Variants in C12orf57 observed in about 807,000 individuals in gnomAD.
The protein encoded by C12orf57 is protein C10.
Under a neutral mutation model 11.3 loss-of-function variants are expected in C12orf57, and 14 were observed. That is an observed-to-expected ratio of 1.24 (90% CI 0.82 to 1.94). The LOEUF is 1.94. Among genes scored for constraint, C12orf57 ranks in the 30% most tolerant of loss-of-function variants. C12orf57 has a pLI of 0.00. For synonymous variants in C12orf57, 100 were observed against 74.6 expected, an observed-to-expected ratio of 1.34 and a Z score of -1.76; for missense variants, 229 against 172.4, an observed-to-expected ratio of 1.33 and a Z score of -1.84.
In C12orf57 at chr12:6,944,597, C is replaced by T. The variant is rs11553333; in HGVS notation, c.174C>T (p.Ala58=). 5 of 1,614,180 alleles carry T rather than the reference C, an allele frequency of 3.1e-6. No homozygotes were observed. The highest frequency in any genetic ancestry group is 4.2e-6 in the Non-Finnish European group (5 of 1,180,034). Residue 58 remains alanine (A), a synonymous_variant, in exon 2 of 3, where the codon GCC becomes GCT. Transcript: ENST00000229281. ...TGCTGCAATTCGTGCTGCCCGTGGCCACGCAGATCCAGCAGGAGGTTATCA... is the reference window on the plus strand; with the variant it reads ...TGCTGCAATTCGTGCTGCCCGTGGCTACGCAGATCCAGCAGGAGGTTATCA... ...GKMLQFVLPV[A]TQIQQEVIKA...
intron 2 of C12orf57, chr12:6,944,877 G>T: frequency 1.4e-6 from 2 of 1,406,312 alleles, no homozygotes; most frequent in Middle Eastern, 2.0e-4. Flanking sequence ...TACCCGAAAT[G>T]GTTGGGACCG....
At chr12:6,943,452 GGGCATTA>G (rs1265264117), upstream of C12orf57, 8 of 1,185,086 alleles carry the variant, frequency 6.8e-6, no homozygotes, top group Admixed American at 2.5e-4. Flanking sequence ...AAATCGGGCC[GGGCATTA>G]GGCTCCATCG....
intron 2 of C12orf57, chr12:6,944,995 A>AC: frequency 1.6e-6 from 1 of 612,564 alleles, no homozygotes; most frequent in Non-Finnish European, 2.5e-6. Flanking sequence ...ATATACACGC[A>AC]CCTTATGCAC....
chr12:6,944,562 A>C lies in C12orf57; in HGVS notation c.139A>C (p.Met47Leu). 6.2e-7 allele frequency: 1 copy of C among 1,614,140 alleles called. No individual in the cohort carries two copies. Among genetic ancestry groups the C allele is most frequent in the Middle Eastern group, 1.7e-4 (1 of 6,050 alleles). ...DEARDNACND[M>L]GKMLQFVLPV... ...GGCTCGGGATAACGCCTGCAACGAC[A>C]TGGGTAAGATGCTGCAATTCGTGCT... The change falls in exon 2 of 3, where the codon ATG becomes CTG. Residue 47 changes from methionine (M) to leucine (L), a missense_variant. Physicochemically the swap from Met to Leu is conservative, Grantham distance 15. Coordinates refer to ENST00000229281, the MANE Select transcript of C12orf57 (RefSeq NM_138425.4).
At chr12:6,943,930 GGGTAGTTTT>G (rs1297981576), upstream of C12orf57, 6 of 1,330,572 alleles carry the variant, frequency 4.5e-6, no homozygotes, top group East Asian at 1.5e-4. Context: ...CAAAAATTAT[GGGTAGTTTT>G]GGTGGTCTTG....
chr12:6,944,101 A>C lies in C12orf57; in HGVS notation c.-21A>C. 6.2e-7 allele frequency: 1 copy of C among 1,614,114 alleles called. No homozygotes were observed. The highest frequency in any genetic ancestry group is 8.5e-7 in the Non-Finnish European group (1 of 1,179,992). ...TGAGTTTTCCATTTACCTCCGCTGA[A>C]CCTAGAGCTTCAGACGCCCTATGGC... On this transcript the variant is annotated 5_prime_UTR_variant, in exon 1 of 3. Transcript: ENST00000229281.
At chr12:6,943,885 A>C (rs183990197), upstream of C12orf57, 9 of 1,027,430 alleles carry the variant, frequency 8.8e-6, no homozygotes, top group African/African-American at 6.6e-5. Context: ...CCCTCTTATG[A>C]TGTTTGTTGC....
At chr12:6,944,233 G>A in intron 1 of C12orf57, 60 bp downstream of exon 1, 4 of 1,613,212 alleles carry the variant, frequency 2.5e-6, no homozygotes, top group Non-Finnish European at 3.4e-6. Context: ...GGCATGGGCT[G>A]CTGGTCTGGG....
Position 6,944,508 on chromosome 12 carries a change from G to T in C12orf57, c.85G>T (p.Ala29Ser), listed in dbSNP as rs1555145994. The T allele has an allele frequency of 6.2e-7, 1 of 1,613,212 alleles. No individual in the cohort carries two copies. Among genetic ancestry groups the T allele is most frequent in the African/African-American group, 1.3e-5 (1 of 74,914 alleles). ...VLAEVIQAFS[A>S]PENAVRMDEA... ...CGCGGAGGTGATCCAGGCGTTCTCC[G>T]CCCCGGAGAATGCAGTGCGCATGGA... Residue 29 changes from alanine (A) to serine (S), a missense_variant, in exon 2 of 3, where the codon GCC becomes TCC. Coordinates refer to ENST00000229281, the MANE Select transcript of C12orf57 (RefSeq NM_138425.4).
chr12:6,943,488 C>G, upstream of C12orf57: 1 of 1,272,542 alleles, frequency 7.9e-7, no homozygotes, highest in Non-Finnish European at 1.0e-6. Flanking sequence ...TAGACAAGGC[C>G]TTTAGGAAAC....
chr12:6,943,967 G>A (rs782176137), upstream of C12orf57: 25 of 1,549,076 alleles, frequency 1.6e-5, no homozygotes, highest in South Asian at 2.4e-5. Flanking sequence ...TGTAAGCTTG[G>A]GGTATGAAGG....
chr12:6,943,723 C>A, upstream of C12orf57: 1 of 1,261,610 alleles, frequency 7.9e-7, no homozygotes, highest in Non-Finnish European at 1.0e-6. Context: ...GTTGTTTATA[C>A]AGTAATAGGA....
upstream of C12orf57, chr12:6,943,899 T>TGATA (rs781909573): frequency 9.1e-7 from 1 of 1,101,030 alleles, no homozygotes; most frequent in African/African-American, 1.6e-5. Context: ...TTGTTGCCAA[T>TGATA]GATAGATTGT....
chr12:6,944,026 T>A lies in C12orf57; in HGVS notation c.-96T>A. 1 of 1,608,090 alleles carries A rather than the reference T, an allele frequency of 6.2e-7. No homozygotes were observed. Among genetic ancestry groups the A allele is most frequent in the Non-Finnish European group, 8.5e-7 (1 of 1,179,450 alleles). ...CGGCTGCGCCGGATGCTGTTTCCTT[T>A]CCGCTCCCAGGGGCGTTGGGAACGG... is the stretch of plus-strand genomic sequence containing the variant. On this transcript the variant is annotated 5_prime_UTR_variant, in exon 1 of 3. Coordinates refer to ENST00000229281, the MANE Select transcript of C12orf57 (RefSeq NM_138425.4).
At chr12:6,943,677 A>T (rs1945685790), upstream of C12orf57, 1 of 1,283,032 alleles carries the variant, frequency 7.8e-7, no homozygotes, top group Non-Finnish European at 1.0e-6. Flanking sequence ...GTTCCTTAGA[A>T]TATTATTTTT....
At chr12:6,943,536 A>G (rs73262860), upstream of C12orf57, 5,488 of 1,288,060 alleles carry the variant, frequency 4.3e-3, 187 homozygotes, top group African/African-American at 0.074. Context: ...TTACTGCCGA[A>G]TCCAGGTCTC....
upstream of C12orf57, chr12:6,943,440 G>A (rs1032465133): frequency 2.8e-5 from 32 of 1,126,196 alleles, no homozygotes; most frequent in Admixed American, 4.4e-4. Context: ...GGAAGGGAAG[G>A]GAAATCGGGC....
At chr12:6,944,298 A>G in intron 1 of C12orf57, 125 bp downstream of exon 1, 1 of 1,593,738 alleles carries the variant, frequency 6.3e-7, no homozygotes, top group East Asian at 2.2e-5. Context: ...CGCCGGGAAA[A>G]TGGGGTAGGG....
upstream of C12orf57, chr12:6,943,942 T>G (rs782670822): frequency 7.8e-5 from 111 of 1,426,234 alleles, no homozygotes; most frequent in African/African-American, 1.4e-4. Flanking sequence ...GTAGTTTTGG[T>G]GGTCTTGATG....
Sources: gnomAD v4.1 joint callset for allele counts on GRCh38, gnomAD v4.1.1 for gene constraint, MANE v1.5 for transcripts, NCBI Gene and HGNC (gene_info 2026-07-23, HGNC 2026-07-21) for gene names.